Variants in MMP25 observed in about 807,000 individuals in gnomAD.
MMP25 encodes matrix metalloproteinase-25.
In MMP25, 68 loss-of-function variants were observed where a neutral mutation model predicts 62.1. That is an observed-to-expected ratio of 1.10 (90% confidence interval 0.90 to 1.34). The LOEUF is 1.34. Among genes scored for constraint, MMP25 ranks in the 40% most tolerant of loss-of-function variants. The pLI is 0.00. For synonymous variants in MMP25, 407 were observed against 345.6 expected, an observed-to-expected ratio of 1.18 and a Z score of -1.97; for missense variants, 942 against 792.5, an observed-to-expected ratio of 1.19 and a Z score of -2.26.
At chr16:3,057,485 G>A (rs576378950) in intron 6 of MMP25, 46 bp from the exon 7 acceptor site, 3 of 1,603,002 alleles carry the variant, frequency 1.9e-6, no homozygotes, top group East Asian at 4.5e-5. Flanking sequence ...CCCTGCCTTG[G>A]AGAAAACAAA....
At position 3,058,904 on chromosome 16, in the gene MMP25, C is replaced by A. The variant is rs750150544; in HGVS notation, c.1495C>A (p.Gln499Lys). Residue 499 changes from glutamine (Q) to lysine (K), a missense_variant, in exon 10 of 10, where the codon CAG becomes AAG. Physicochemically the swap from Gln to Lys is moderately conservative, Grantham distance 53. Coordinates refer to ENST00000336577, the MANE Select transcript of MMP25 (RefSeq NM_022468.5). The stretch of plus-strand genomic sequence containing the variant: ...CATCAAGACCGAGCCGGACGCCCCC[C>A]AGCCCATGGGGCCCAACTGGCTGGA... The part of the protein sequence containing the change: ...NSIKTEPDAP[Q>K]PMGPNWLDCP... The A allele has an allele frequency of 6.4e-7, 1 of 1,554,808 alleles. No homozygotes were observed. Among genetic ancestry groups the A allele is most frequent in the Admixed American group, 2.0e-5 (1 of 51,218 alleles).
Position 3,059,076 on chromosome 16 carries a change from T to G in MMP25, c.1667T>G (p.Val556Gly), listed in dbSNP as rs939625737. Residue 556 changes from valine to glycine, a missense_variant, in exon 10 of 10, where the codon GTG (valine) becomes GGG (glycine). Val to Gly is a moderately radical substitution (Grantham distance 109). Coordinates refer to ENST00000336577, the MANE Select transcript of MMP25 (RefSeq NM_022468.5). The stretch of plus-strand genomic sequence containing the variant: ...CCGCTGCTCCTCTTGCCCCTGCTGG[T>G]GGGGGGTGTAGCCTCCCGCTGATGG... ...PIPLLLLPLL[V>G]GGVASR 5 of 1,547,758 alleles carry G rather than the reference T, an allele frequency of 3.2e-6. No individual in the cohort carries two copies. The African/African-American group carries it at 5.5e-5, about 17-fold the overall frequency.
chr16:3,051,730 C>T (rs542132592), intron 4 of MMP25: 1 of 152,286 alleles, frequency 6.6e-6, no homozygotes, highest in South Asian at 2.1e-4. Flanking sequence ...AGAATCCCAG[C>T]AGAGGAAGTC....
At chr16:3,047,077 C>A (rs375741767) in intron 1 of MMP25, 61 bp downstream of exon 1, 1 of 1,373,752 alleles carries the variant, frequency 7.3e-7, no homozygotes, top group Non-Finnish European at 9.4e-7. Context: ...GGAAGCCGGG[C>A]CCGGACTCCT....
In MMP25 at chr16:3,050,085, G is replaced by C. The variant is rs1157841723; in HGVS notation, c.309G>C (p.Arg103Ser). ...TGCTGGGGGTGGCGGGGCTGGTCAG[G>C]CGGCGTCGCCGGTACGCTCTGAGCG... The part of the protein sequence containing the change: ...PDVLGVAGLV[R>S]RRRRYALSGS... The change falls in exon 3 of 10, where the codon AGG (arginine) becomes AGC (serine). Residue 103 changes from arginine to serine, a missense_variant. Physicochemically the swap from Arg to Ser is moderately radical, Grantham distance 110. Transcript: ENST00000336577. The C allele has an allele frequency of 1.2e-6, 2 of 1,611,144 alleles. No homozygotes were observed. The highest frequency in any genetic ancestry group is 1.7e-6 in the Non-Finnish European group (2 of 1,179,866).
At position 3,058,195 on chromosome 16, in the gene MMP25, C is replaced by G; in HGVS notation, c.1021C>G (p.Arg341Gly). The G allele has an allele frequency of 6.2e-7, 1 of 1,612,624 alleles. No individual in the cohort carries two copies. Among genetic ancestry groups the G allele is most frequent in the Non-Finnish European group, 8.5e-7 (1 of 1,179,410 alleles). ...GTCCCCTGCAGGCCCCTGGTTCTGGCGCCTCCAGCCCTCCGGACAGCTGGT... is the reference window on the plus strand; with the variant it reads ...GTCCCCTGCAGGCCCCTGGTTCTGGGGCCTCCAGCCCTCCGGACAGCTGGT... Reference protein sequence around the residue: ...TFFFKGPWFWRLQPSGQLVSP... With the variant: ...TFFFKGPWFWGLQPSGQLVSP... The change falls in exon 8 of 10, where the codon CGC becomes GGC. Residue 341 changes from arginine to glycine, a missense_variant. Transcript: ENST00000336577.
chr16:3,048,223 G>A (rs1955849747), intron 2 of MMP25, among the ~76,000 whole-genome samples: 1 of 152,186 alleles, frequency 6.6e-6, no homozygotes, highest in Non-Finnish European at 1.5e-5. Context: ...TGGGAAAATT[G>A]CTTAAGCCCA....
Position 3,058,931 on chromosome 16 carries a change from T to G in MMP25, c.1522T>G (p.Cys508Gly). The G allele has an allele frequency of 2.6e-6, 4 of 1,550,348 alleles. No individual in the cohort carries two copies. Among genetic ancestry groups the G allele is most frequent in the Non-Finnish European group, 3.5e-6 (4 of 1,146,746 alleles). ...PQPMGPNWLD[C>G]PAPSSGPRAP... ...GCCCATGGGGCCCAACTGGCTGGACTGCCCCGCCCCGAGCTCTGGTCCCCG... is the reference window on the plus strand; with the variant it reads ...GCCCATGGGGCCCAACTGGCTGGACGGCCCCGCCCCGAGCTCTGGTCCCCG... Residue 508 changes from cysteine (C) to glycine (G), a missense_variant, in exon 10 of 10, where the codon TGC (cysteine) becomes GGC (glycine). Cys to Gly is a radical substitution (Grantham distance 159, BLOSUM62 -3). Coordinates refer to ENST00000336577, the MANE Select transcript of MMP25 (RefSeq NM_022468.5).
intron 4 of MMP25, chr16:3,056,358 C>T (rs75407793): frequency 0.026 from 4,187 of 160,462 alleles, 81 homozygotes; most frequent in Non-Finnish European, 0.042. Context: ...TGCCCTCACC[C>T]CACCGCCCTC....
At position 3,047,425 on chromosome 16, in the gene MMP25, C is replaced by T. The variant is rs201175024; in HGVS notation, c.110C>T (p.Thr37Ile). 1.3e-4 allele frequency: 206 copies of T among 1,613,232 alleles called. No individual in the cohort carries two copies. The highest frequency in any genetic ancestry group is 2.8e-4 in the Admixed American group (17 of 59,934). ...QDVSLGVDWLTRYGYLPPPHP... is the reference protein window; with the variant it reads ...QDVSLGVDWLIRYGYLPPPHP... ...CCTCCGATGCCCTAGGACTGGCTGACTCGCTATGGTTACCTGCCGCCACCC... is the reference window on the plus strand; with the variant it reads ...CCTCCGATGCCCTAGGACTGGCTGATTCGCTATGGTTACCTGCCGCCACCC... The change falls in exon 2 of 10, where the codon ACT (threonine) becomes ATT (isoleucine). Residue 37 changes from threonine to isoleucine, a missense_variant. Transcript: ENST00000336577.
chr16:3,056,460 C>T (rs1956011036), intron 4 of MMP25, among the ~76,000 whole-genome samples: 1 of 151,924 alleles, frequency 6.6e-6, no homozygotes, highest in South Asian at 2.1e-4. Flanking sequence ...AGTGCAATGA[C>T]ATGGTCATGC....
Position 3,058,598 on chromosome 16 carries a change from G to T in MMP25, c.1346G>T (p.Gly449Val), listed in dbSNP as rs748871459. Residue 449 changes from glycine to valine, a missense_variant, in exon 9 of 10, where the codon GGC becomes GTC. By Grantham distance (109) the Gly-to-Val change is moderately radical (BLOSUM62 -3). Transcript: ENST00000336577. ...YDEAAARPDPGYPRDLSLWEG... is the reference protein window; with the variant it reads ...YDEAAARPDPVYPRDLSLWEG... ...GAGGCGGCGGCGCGCCCGGACCCCG[G>T]CTACCCTCGCGACCTGAGCCTCTGG... The T allele has an allele frequency of 1.4e-4, 219 of 1,607,300 alleles. 1 individual carries two copies. Among genetic ancestry groups the T allele is most frequent in the Admixed American group, 1.9e-4 (11 of 59,384 alleles).
chr16:3,050,412 G>C lies in MMP25; in HGVS notation c.527G>C (p.Arg176Pro). 2 of 1,613,962 alleles carry C rather than the reference G, an allele frequency of 1.2e-6. No homozygotes were observed. The highest frequency in any genetic ancestry group is 1.7e-6 in the Non-Finnish European group (2 of 1,180,000). Reference sequence around the variant, plus strand: ...CCCGACATCCTCATCGACTTTGCCCGCGCCTTCCACCAGGACAGCTACCCC... The same window carrying C: ...CCCGACATCCTCATCGACTTTGCCCCCGCCTTCCACCAGGACAGCTACCCC... ...QEPDILIDFA[R>P]AFHQDSYPFD... Residue 176 changes from arginine (R) to proline (P), a missense_variant, in exon 4 of 10, where the codon CGC becomes CCC. Physicochemically the swap from Arg to Pro is moderately radical, Grantham distance 103. Coordinates refer to ENST00000336577, the MANE Select transcript of MMP25 (RefSeq NM_022468.5).
chr16:3,055,667 G>T (rs1376220150), intron 4 of MMP25: 1 of 351,828 alleles, frequency 2.8e-6, no homozygotes. Context: ...GTGGCTTTAG[G>T]GACCGAGAGA....
chr16:3,055,569 G>A (rs375893133), intron 4 of MMP25, among the ~76,000 whole-genome samples: 2 of 152,174 alleles, frequency 1.3e-5, no homozygotes, highest in African/African-American at 4.8e-5. Context: ...TGTAAAATGG[G>A]CATAGGAGAC....
At chr16:3,058,354 G>T (rs1956051197) in intron 8 of MMP25, 21 bp downstream of exon 8, 1 of 1,516,216 alleles carries the variant, frequency 6.6e-7, no homozygotes, top group South Asian at 1.2e-5. Flanking sequence ...CCGGCGGCGG[G>T]GCGCGCTGGG....
chr16:3,050,522 G>C lies in MMP25; in HGVS notation c.637G>C (p.Glu213Gln). 6.4e-7 allele frequency: 1 copy of C among 1,570,042 alleles called. No homozygotes were observed. The highest frequency in any genetic ancestry group is 8.7e-7 in the Non-Finnish European group (1 of 1,155,998). Reference protein sequence around the residue: ...ISGDTHFDDEETWTFGSKDGE... With the variant: ...ISGDTHFDDEQTWTFGSKDGE... ...CGGGGACACTCACTTTGACGATGAG[G>C]AGACCTGGACTTTTGGGTCAAAAGG... Residue 213 changes from glutamate to glutamine, a missense_variant, in exon 4 of 10, where the codon GAG (glutamate) becomes CAG (glutamine). Transcript: ENST00000336577.
intron 4 of MMP25, chr16:3,055,947 T>C: frequency 6.6e-6 from 3 of 455,324 alleles, no homozygotes; most frequent in South Asian, 1.6e-5. Flanking sequence ...GCGCCTGAGC[T>C]GAATACAGAG....
At chr16:3,047,694 A>C (rs1475304646) in intron 2 of MMP25, 147 bp downstream of exon 2, 10 of 863,808 alleles carry the variant, frequency 1.2e-5, no homozygotes, top group Admixed American at 3.0e-5. Context: ...TCAGGCGTTC[A>C]TCTTTCCATA....
Sources: gnomAD v4.1 joint callset for allele counts (sites outside exome capture counted in the v4.1 genomes callset) on GRCh38, gnomAD v4.1.1 for gene constraint, MANE v1.5 for transcripts, NCBI Gene and HGNC (gene_info 2026-07-23, HGNC 2026-07-21) for gene names.